The following CIZ1 variants were observed in gnomAD, a reference collection of about 807,000 sequenced individuals.
CIZ1 encodes CDKN1A interacting zinc finger protein 1.
In CIZ1, 58 loss-of-function variants were observed where a neutral mutation model predicts 118.6. That is an observed-to-expected ratio of 0.49 (90% CI 0.40 to 0.61). CIZ1 has a LOEUF of 0.61. Ranked by LOEUF, CIZ1 falls within the 20% of genes least tolerant of loss-of-function variation. CIZ1 has a pLI of 0.00. For synonymous variants in CIZ1, 448 were observed against 443.4 expected (o/e 1.01, Z -0.13); for missense variants, 921 against 1,115.9 (o/e 0.83, Z 2.49).
intron 3 of CIZ1, among the ~76,000 whole-genome samples, chr9:128,189,217 G>A (rs558972268): frequency 1.4e-4 from 21 of 152,260 alleles, no homozygotes; most frequent in South Asian, 6.2e-4. Context: ...GATTACAGGC[G>A]TGAGCCACAA....
chr9:128,170,968 A>G (rs952817851), intron 11 of CIZ1, among the ~76,000 whole-genome samples: 1 of 151,918 alleles, frequency 6.6e-6, no homozygotes, highest in African/African-American at 2.4e-5. Context: ...TCTACAAAAC[A>G]TAAAAAACAT....
chr9:128,185,585 G>A lies in CIZ1; in HGVS notation c.550C>T (p.Gln184Ter). The change falls in exon 5 of 17, where the codon CAG becomes TAG. Residue 184 changes from glutamine (Q) to a stop codon, truncating the protein, a stop_gained. Coordinates refer to ENST00000372938, the MANE Select transcript of CIZ1 (RefSeq NM_001131016.2). LOFTEE classifies it high-confidence loss of function. The part of the protein sequence containing the change: ...FNLSGRNPQK[Q>*]ARTSSSTTPN... ...GTGGTAGAGGAGGAGGTCCGGGCCT[G>A]TTTCTGGGGGTTCCGTCCTGAAAGG... The A allele has an allele frequency of 1.3e-6, 2 of 1,530,470 alleles. No homozygotes were observed. Among genetic ancestry groups the A allele is most frequent in the Non-Finnish European group, 1.8e-6 (2 of 1,138,612 alleles). The allele number at this position is 1,530,470 out of a possible 1,614,324, so 94.8% of individuals were successfully genotyped here. A position where few individuals can be genotyped will look rare whatever the true frequency, so the allele number is the denominator to read the frequency against.
chr9:128,191,870 G>C, upstream of CIZ1: 1 of 1,464,052 alleles, frequency 6.8e-7, no homozygotes, highest in Non-Finnish European at 9.0e-7. The surrounding 1 kb of genome is among the most constrained non-coding windows in gnomAD (Gnocchi z 5.5). Context: ...TGCGGCCGCC[G>C]CGGTCCTGCG....
intron 13 of CIZ1, 42 bp downstream of exon 13, chr9:128,169,364 G>A (rs1829847010): frequency 1.9e-6 from 3 of 1,557,156 alleles, no homozygotes; most frequent in African/African-American, 1.4e-5. Flanking sequence ...CCAAGGCTCT[G>A]TACCTCTCTG....
intron 3 of CIZ1, among the ~76,000 whole-genome samples, chr9:128,188,789 C>T (rs575004037): frequency 7.9e-5 from 12 of 152,032 alleles, no homozygotes; most frequent in South Asian, 4.1e-4. Context: ...CACGCCACCA[C>T]GCCCAGCCAA....
intron 5 of CIZ1, among the ~76,000 whole-genome samples, chr9:128,183,424 G>A (rs1831939309): frequency 6.6e-6 from 1 of 152,240 alleles, no homozygotes; most frequent in Admixed American, 6.5e-5. Flanking sequence ...CCGTTGGAAG[G>A]CTGGAGGCGG....
chr9:128,168,969 C>A, intron 14 of CIZ1, 83 bp downstream of exon 14: 1 of 1,587,868 alleles, frequency 6.3e-7, no homozygotes, highest in Non-Finnish European at 8.6e-7. Flanking sequence ...AGCCCAGTGT[C>A]TGGCCTCCGG....
chr9:128,185,532 C>G lies in CIZ1; in HGVS notation c.588+15G>C. 6.7e-7 allele frequency: 1 copy of G among 1,494,726 alleles called. No individual in the cohort carries two copies. Among genetic ancestry groups the G allele is most frequent in the South Asian group, 1.3e-5 (1 of 74,544 alleles). The allele number at this position is 1,494,726 out of a possible 1,614,324, so 92.6% of individuals were successfully genotyped here. On this transcript the variant is annotated intron_variant, in intron 5 of 16. Coordinates refer to ENST00000372938, the MANE Select transcript of CIZ1 (RefSeq NM_001131016.2). ...GGTCCCCTCCCGCCCACTCCCATCCCCACCTACCACTCACCTTTCGATTGG... is the reference window on the plus strand; with the variant it reads ...GGTCCCCTCCCGCCCACTCCCATCCGCACCTACCACTCACCTTTCGATTGG...
At chr9:128,179,887 G>A (rs976383007) in intron 7 of CIZ1, among the ~76,000 whole-genome samples, 1 of 151,690 alleles carries the variant, frequency 6.6e-6, no homozygotes, top group African/African-American at 2.4e-5. Flanking sequence ...GGTCAGGTTG[G>A]TCTCAAACTC....
chr9:128,169,272 C>T (rs2130903985), intron 13 of CIZ1, 71 bp from the exon 14 acceptor site: 2 of 1,448,980 alleles, frequency 1.4e-6, no homozygotes, highest in South Asian at 1.2e-5. Context: ...ACCCACCCCA[C>T]CCCTCCCCTG....
At chr9:128,198,049 G>A (rs1358177825) in intron 1 of CIZ1, 2 of 152,264 alleles carry the variant, frequency 1.3e-5, no homozygotes, top group African/African-American at 4.8e-5. Flanking sequence ...CACCTGCCCT[G>A]TTCCAGGCTG....
chr9:128,188,997 C>T (rs1450357491), intron 3 of CIZ1, among the ~76,000 whole-genome samples: 1 of 152,108 alleles, frequency 6.6e-6, no homozygotes, highest in Non-Finnish European at 1.5e-5. Context: ...CGGGGTTTCA[C>T]CATGTTGGCC....
chr9:128,166,404 T>A lies in CIZ1; in HGVS notation c.2490A>T (p.Lys830Asn). Residue 830 changes from lysine to asparagine, a missense_variant and splice_region_variant, in exon 17 of 17, where the codon AAA (lysine) becomes AAT (asparagine). Transcript: ENST00000372938. The surrounding 1 kb of genome is among the most constrained non-coding windows in gnomAD (Gnocchi z 4.4). ...KSLGHFENLQ[K>N]YKAAKNPSPT... ...GGCTGGGGTTCTTGGCCGCCTTGTA[T>A]TTCTGGATACAGAAGGTGCAGGTAA... is the stretch of plus-strand genomic sequence containing the variant. 2.0e-6 allele frequency: 3 copies of A among 1,530,536 alleles called. No individual in the cohort carries two copies. Among genetic ancestry groups the A allele is most frequent in the Non-Finnish European group, 2.6e-6 (3 of 1,134,936 alleles). 94.8% of individuals were successfully genotyped at this position (1,530,536 alleles called of 1,614,324 possible).
chr9:128,179,640 G>A (rs923490688), intron 7 of CIZ1, among the ~76,000 whole-genome samples: 3 of 151,222 alleles, frequency 2.0e-5, no homozygotes, highest in Non-Finnish European at 4.4e-5. Flanking sequence ...GCCCAAGACT[G>A]TTTCTTTTTG....
chr9:128,188,758 G>A (rs1832758743), intron 3 of CIZ1, among the ~76,000 whole-genome samples: 1 of 151,976 alleles, frequency 6.6e-6, no homozygotes, highest in Non-Finnish European at 1.5e-5. Flanking sequence ...TCAGCCTCCT[G>A]AGTAGCTGGG....
Position 128,167,058 on chromosome 9 carries a change from G to A in CIZ1, c.2365+37C>T, listed in dbSNP as rs540341207. On this transcript the variant is annotated intron_variant, in intron 15 of 16. Transcript: ENST00000372938. ...CATGTGGAGGCTGGGCCCAAGGGCTGAAGCTCCTGCAGGTGGGCTCAGAGC... is the reference window on the plus strand; with the variant it reads ...CATGTGGAGGCTGGGCCCAAGGGCTAAAGCTCCTGCAGGTGGGCTCAGAGC... 3.2e-6 allele frequency: 5 copies of A among 1,582,882 alleles called. No individual in the cohort carries two copies. The South Asian group carries it at 3.4e-5, about 11-fold the overall frequency.
At chr9:128,196,503 G>A (rs1023403666), upstream of CIZ1, among the ~76,000 whole-genome samples, 1 of 151,290 alleles carries the variant, frequency 6.6e-6, no homozygotes, top group South Asian at 2.1e-4. Flanking sequence ...AGCCACGATC[G>A]TGCCACTGCA....
Position 128,169,126 on chromosome 9 carries a change from C to G in CIZ1, c.2221G>C (p.Glu741Gln). The change falls in exon 14 of 17, where the codon GAG becomes CAG. Residue 741 changes from glutamate to glutamine, a missense_variant. By Grantham distance (29) the Glu-to-Gln change is conservative (BLOSUM62 2). Transcript: ENST00000372938. ...FITVDAVGCF[E>Q]GDEEEEEDDE... ...TCCTCTTCCTCTTCTTCATCACCCT[C>G]GAAGCAACCCACAGCGTCCACTGTA... is the stretch of plus-strand genomic sequence containing the variant. 6.2e-7 allele frequency: 1 copy of G among 1,614,146 alleles called. No individual in the cohort carries two copies. The highest frequency in any genetic ancestry group is 8.5e-7 in the Non-Finnish European group (1 of 1,180,008).
intron 11 of CIZ1, among the ~76,000 whole-genome samples, chr9:128,172,447 T>C (rs903173924): frequency 4.9e-4 from 74 of 151,746 alleles, no homozygotes; most frequent in Non-Finnish European, 1.0e-3. Context: ...GAGCCAAGAT[T>C]GCGCCACTGC....
Sources: gnomAD v4.1 joint callset for allele counts (sites outside exome capture counted in the v4.1 genomes callset) on GRCh38, gnomAD v4.1.1 for gene constraint, Gnocchi (gnomAD v3.1) non-coding constraint, MANE v1.5 for transcripts, NCBI Gene and HGNC (gene_info 2026-07-23, HGNC 2026-07-21) for gene names.